EVC: variants seen among roughly 807,000 people sequenced by gnomAD.
EVC encodes the protein EvC ciliary complex subunit 1, also known as evC complex member EVC.
Under a neutral mutation model 118.9 loss-of-function variants are expected in EVC, and 116 were observed. That is an observed-to-expected ratio of 0.98 (90% CI 0.84 to 1.14). EVC has a LOEUF of 1.14. Ranked by LOEUF, EVC falls within the 50% of genes most tolerant of loss-of-function variation. The pLI is 0.00. For synonymous variants in EVC, 619 were observed against 534.7 expected (o/e 1.16, Z -2.18); for missense variants, 1,401 against 1,246.4 (o/e 1.12, Z -1.87).
intron 11 of EVC, among the ~76,000 whole-genome samples, chr4:5,782,661 G>A (rs183132195): frequency 3.5e-4 from 53 of 151,892 alleles, no homozygotes; most frequent in Admixed American, 9.2e-4. Context: ...GTGGGGGAGC[G>A]GGGATGAAGG....
the EVC span, chr4:5,825,380 C>T: frequency 6.8e-7 from 1 of 1,462,482 alleles, no homozygotes. The surrounding 1 kb of genome is among the most constrained non-coding windows in gnomAD (Gnocchi z 4.4). Context: ...CACTCCCTTC[C>T]CTGCTTCTTC....
chr4:5,749,271 A>C lies in EVC; in HGVS notation c.1098+965A>C, dbSNP rs1197507350. Among the ~76,000 whole-genome samples the C allele has an allele frequency of 6.6e-6, 1 of 151,396 alleles. No homozygotes were observed. Among genetic ancestry groups the C allele is most frequent in the Non-Finnish European group, 1.5e-5 (1 of 67,962 alleles). On this transcript the variant is annotated intron_variant, in intron 8 of 20. Transcript: ENST00000264956. This position sits in a 1 kb window ranked among gnomAD's most constrained non-coding sequence, Gnocchi z 4.4. ...TCCAACCTTTTGGCTTCCCTGGGCC[A>C]CATTGGAAGAAGAAGAATTGTCTTA...
intron 13 of EVC, among the ~76,000 whole-genome samples, chr4:5,795,909 C>G (rs1422624515): frequency 3.3e-5 from 5 of 152,204 alleles, no homozygotes; most frequent in Admixed American, 3.3e-4. Context: ...TGCCTATTCT[C>G]TCCCTCCTCT....
At chr4:5,809,304 G>T (rs1018688895) in intron 18 of EVC, among the ~76,000 whole-genome samples, 1 of 152,188 alleles carries the variant, frequency 6.6e-6, no homozygotes, top group African/African-American at 2.4e-5. Flanking sequence ...GCCAGTGTGA[G>T]TGAGGACCCA....
intron 13 of EVC, among the ~76,000 whole-genome samples, chr4:5,796,223 T>C (rs1205071516): frequency 1.3e-5 from 2 of 152,210 alleles, no homozygotes; most frequent in Non-Finnish European, 2.9e-5. Flanking sequence ...AACATATTAA[T>C]CATAATTAGT....
intron 11 of EVC, among the ~76,000 whole-genome samples, chr4:5,761,087 G>A (rs567385092): frequency 3.5e-4 from 54 of 152,262 alleles, no homozygotes; most frequent in African/African-American, 1.3e-3. Flanking sequence ...CTCCTGGCTG[G>A]GCGTCCTTGG....
At chr4:5,761,402 G>A (rs1330032804) in intron 11 of EVC, among the ~76,000 whole-genome samples, 1 of 151,260 alleles carries the variant, frequency 6.6e-6, no homozygotes, top group Non-Finnish European at 1.5e-5. Context: ...CAGCTCGAGG[G>A]TGCACCTGGA....
chr4:5,714,696 A>T (rs1042610996), intron 1 of EVC, among the ~76,000 whole-genome samples: 1 of 152,210 alleles, frequency 6.6e-6, no homozygotes, highest in Non-Finnish European at 1.5e-5. Context: ...TTCTACAAAC[A>T]TTATCTACTG....
At chr4:5,723,843 T>C (rs1328538278) in intron 2 of EVC, among the ~76,000 whole-genome samples, 1 of 152,146 alleles carries the variant, frequency 6.6e-6, no homozygotes, top group Non-Finnish European at 1.5e-5. Flanking sequence ...CAATGGACTC[T>C]GCAAGTGAGT....
chr4:5,741,557 C>A (rs1451909382), intron 5 of EVC, among the ~76,000 whole-genome samples, 159 bp from the exon 6 acceptor site: 2 of 152,000 alleles, frequency 1.3e-5, no homozygotes, highest in African/African-American at 2.4e-5. Flanking sequence ...ATCGGAGTTC[C>A]TTTCCTTCAG....
At chr4:5,824,291 T>C in the EVC span, 1 of 985,254 alleles carries the variant, frequency 1.0e-6, no homozygotes, top group Non-Finnish European at 1.2e-6. Flanking sequence ...CACATGACTT[T>C]TAGCATTCTA....
At chr4:5,748,086 C>G (rs566183129) in intron 7 of EVC, 62 bp from the exon 8 acceptor site, 1 of 1,538,770 alleles carries the variant, frequency 6.5e-7, no homozygotes, top group African/African-American at 1.5e-5. Context: ...CGAGCACGCA[C>G]CGTTTGGCTT....
Position 5,811,388 on chromosome 4 carries a change from A to G in EVC, c.*351A>G, listed in dbSNP as rs773612534. 6 of 343,276 alleles carry G rather than the reference A, an allele frequency of 1.7e-5. No individual in the cohort carries two copies. The highest frequency in any genetic ancestry group is 2.8e-5 in the Non-Finnish European group (5 of 180,176). The allele number at this position is 343,276 out of a possible 1,614,324, so 21.3% of individuals were successfully genotyped here. On this transcript the variant is annotated 3_prime_UTR_variant, in exon 21 of 21. Transcript: ENST00000264956. Reference sequence around the variant, plus strand: ...TGCAGACTCTGGAATCCCTGGCCCAAAGGCCTGTCTGGGCCCATCTGGGGC... The same window carrying G: ...TGCAGACTCTGGAATCCCTGGCCCAGAGGCCTGTCTGGGCCCATCTGGGGC...
Position 5,754,891 on chromosome 4 carries a change from T to C in EVC, c.1464+958T>C, listed in dbSNP as rs905762962. On this transcript the variant is annotated intron_variant, in intron 10 of 20. Coordinates refer to ENST00000264956, the MANE Select transcript of EVC (RefSeq NM_153717.3). This position sits in a 1 kb window ranked among gnomAD's most constrained non-coding sequence, Gnocchi z 5.8. ...CTCCGTCAACACTTGGTACAGCACA[T>C]CTCAGTTCTGCCAAGGGGTGGGTGG... Among the ~76,000 whole-genome samples the C allele has an allele frequency of 6.6e-6, 1 of 152,058 alleles. No homozygotes were observed. Among genetic ancestry groups the C allele is most frequent in the Non-Finnish European group, 1.5e-5 (1 of 68,012 alleles).
intron 1 of EVC, among the ~76,000 whole-genome samples, chr4:5,714,067 C>T (rs1262448549): frequency 2.0e-5 from 3 of 152,214 alleles, no homozygotes; most frequent in Non-Finnish European, 4.4e-5. Flanking sequence ...TACACCTCTG[C>T]ACTTCTGCAC....
At position 5,782,961 on chromosome 4, in the gene EVC, G is replaced by A. The variant is rs559207912; in HGVS notation, c.1564-591G>A. 1.0e-3 allele frequency among the ~76,000 whole-genome samples: 155 copies of A among 152,272 alleles called. 1 individual carries two copies. The highest frequency in any genetic ancestry group is 1.8e-3 in the Non-Finnish European group (122 of 68,010). On this transcript the variant is annotated intron_variant, in intron 11 of 20. Coordinates refer to ENST00000264956, the MANE Select transcript of EVC (RefSeq NM_153717.3). ...AGTTAGAGAGCTCACTGTGGGAGGA[G>A]AGCAGGTGTGAAGCTTGGCAAGGAG...
chr4:5,733,570 A>C, intron 5 of EVC, 135 bp downstream of exon 5: 1 of 838,952 alleles, frequency 1.2e-6, no homozygotes. Context: ...AGGTGGGGGA[A>C]AGCGGCGCTG....
chr4:5,824,946 T>C, the EVC span: 13 of 985,452 alleles, frequency 1.3e-5, no homozygotes, highest in East Asian at 4.5e-4. Context: ...CACACATTTG[T>C]TGAGCACCAA....
chr4:5,804,599 G>A lies in EVC; in HGVS notation c.2450-131G>A, dbSNP rs989560705. On this transcript the variant is annotated intron_variant, in intron 16 of 20. Coordinates refer to ENST00000264956, the MANE Select transcript of EVC (RefSeq NM_153717.3). ...TTTGTGCACACAATGCCCTGTCCCT[G>A]TGCTGGTGGAAGGATACACTCTTGG... 9 of 761,198 alleles carry A rather than the reference G, an allele frequency of 1.2e-5. No homozygotes were observed. The African/African-American group carries it at 1.5e-4, about 13-fold the overall frequency. 47.2% of individuals were successfully genotyped at this position (761,198 alleles called of 1,614,324 possible).
Sources: gnomAD v4.1 joint callset for allele counts (sites outside exome capture counted in the v4.1 genomes callset) on GRCh38, gnomAD v4.1.1 for gene constraint, Gnocchi (gnomAD v3.1) non-coding constraint, MANE v1.5 for transcripts, NCBI Gene and HGNC (gene_info 2026-07-23, HGNC 2026-07-21) for gene names.